The following NPRL3 variants were observed in gnomAD, a reference collection of about 807,000 sequenced individuals.
The protein encoded by NPRL3 is NPR3 like, GATOR1 complex subunit.
In NPRL3, 23 loss-of-function variants were observed where a neutral mutation model predicts 57.2. The observed-to-expected ratio is 0.40, with a 90% CI of 0.29 to 0.57. The LOEUF (loss-of-function observed/expected upper bound fraction) is 0.57. Among genes scored for constraint, NPRL3 ranks in the 20% least tolerant of loss-of-function variants. The pLI, the probability that NPRL3 is intolerant of heterozygous loss-of-function variation, is 0.42. For synonymous variants in NPRL3, 333 were observed against 321.1 expected (o/e 1.04, Z -0.39); for missense variants, 691 against 767.1 (o/e 0.90, Z 1.17).
intron 7 of NPRL3, among the ~76,000 whole-genome samples, chr16:107,194 C>T (rs1242259711): frequency 1.3e-5 from 2 of 152,194 alleles, no homozygotes; most frequent in African/African-American, 2.4e-5. Flanking sequence ...GATTCCTGTC[C>T]TCCTTTAATA....
intron 3 of NPRL3, 51 bp downstream of exon 3, chr16:130,471 A>C: frequency 6.6e-7 from 1 of 1,514,278 alleles, no homozygotes; most frequent in Non-Finnish European, 8.9e-7. Context: ...GGCTTTGCCC[A>C]GGCCTGGGAC....
At chr16:104,058 G>A (rs547423542) in intron 7 of NPRL3, among the ~76,000 whole-genome samples, 14 of 152,012 alleles carry the variant, frequency 9.2e-5, no homozygotes, top group African/African-American at 3.1e-4. Flanking sequence ...AGGCGGAGGC[G>A]GAGGTTGCAC....
At chr16:119,584 T>C (rs370571687) in intron 3 of NPRL3, among the ~76,000 whole-genome samples, 24 of 152,348 alleles carry the variant, frequency 1.6e-4, no homozygotes, top group African/African-American at 5.8e-4. Context: ...GGCACTGCCC[T>C]GCGGAGCTGC....
At chr16:107,854 C>G (rs919758582) in intron 7 of NPRL3, among the ~76,000 whole-genome samples, 3 of 152,196 alleles carry the variant, frequency 2.0e-5, no homozygotes, top group Non-Finnish European at 4.4e-5. Flanking sequence ...CCAAGTTAGC[C>G]TGATTTTTGT....
intron 13 of NPRL3, among the ~76,000 whole-genome samples, chr16:87,286 C>T (rs1898520725): frequency 6.6e-6 from 1 of 151,982 alleles, no homozygotes; most frequent in South Asian, 2.1e-4. Context: ...GGCTAGATTG[C>T]AGTGGCTCGA....
At chr16:98,073 T>TCA in intron 9 of NPRL3, 72 bp downstream of exon 9, 1 of 1,548,268 alleles carries the variant, frequency 6.5e-7, no homozygotes, top group Non-Finnish European at 8.8e-7. Flanking sequence ...GGATGTACTG[T>TCA]GGCAGGCGGC....
chr16:131,151 A>G (rs780827148), intron 2 of NPRL3, among the ~76,000 whole-genome samples: 4 of 152,208 alleles, frequency 2.6e-5, no homozygotes, highest in Non-Finnish European at 5.9e-5. Context: ...CCTGGCCAAC[A>G]TGGCGAAACC....
chr16:99,973 AAAAAGAAAAAGAAAAAAAAAAG>A (rs1899203832), intron 8 of NPRL3, among the ~76,000 whole-genome samples: 1 of 130,308 alleles, frequency 7.7e-6, no homozygotes, highest in Non-Finnish European at 1.5e-5. Context: ...AAAAAAAAAA[AAAAAGAAAAAGAAAAAAAAAAG>A]AAAAAGAAAA....
chr16:114,651 G>C (rs1240811757), intron 5 of NPRL3, among the ~76,000 whole-genome samples: 2 of 152,202 alleles, frequency 1.3e-5, no homozygotes, highest in Non-Finnish European at 2.9e-5. Flanking sequence ...TCCTGGTTCA[G>C]ACAGTCCAGC....
In NPRL3 at chr16:100,275, AAG is replaced by A. The variant is rs1410591738; in HGVS notation, c.767+95_767+96del. 1.8e-5 allele frequency: 23 copies of A among 1,311,350 alleles called. No homozygotes were observed. The Admixed American group carries it at 2.5e-4, about 14-fold the overall frequency. The allele number at this position is 1,311,350 out of a possible 1,614,324, so 81.2% of individuals were successfully genotyped here. On this transcript the variant is annotated intron_variant, in intron 8 of 13. Transcript: ENST00000611875. Reference sequence around the variant, plus strand: ...AAGCTTCCGCAGTGGGAAGAAGAAAAAGAGAAATTTTGGAACAAAGTAAGTGG... The same window carrying A: ...AAGCTTCCGCAGTGGGAAGAAGAAAAAGAAATTTTGGAACAAAGTAAGTGG...
chr16:87,831 A>C (rs1898564427), intron 13 of NPRL3, among the ~76,000 whole-genome samples: 2 of 148,950 alleles, frequency 1.3e-5, no homozygotes, highest in Non-Finnish European at 3.0e-5. Flanking sequence ...CAGCCTCCCA[A>C]AGTGCTGGGA....
chr16:86,841 T>A lies in NPRL3; in HGVS notation c.1574A>T (p.His525Leu), dbSNP rs1898496064. Reference sequence around the variant, plus strand: ...CTCGTTGTACATAATCTCCTCCAGGTGGTGGCGGCCGCGGAAGTAGTGAAG... The same window carrying A: ...CTCGTTGTACATAATCTCCTCCAGGAGGTGGCGGCCGCGGAAGTAGTGAAG... ...RLLHYFRGRH[H>L]LEEIMYNENT... Residue 525 changes from histidine (H) to leucine (L), a missense_variant, in exon 14 of 14, where the codon CAC becomes CTC. Physicochemically the swap from His to Leu is moderately conservative, Grantham distance 99. Coordinates refer to ENST00000611875, the MANE Select transcript of NPRL3 (RefSeq NM_001077350.3). 6.2e-7 allele frequency: 1 copy of A among 1,613,382 alleles called. No individual in the cohort carries two copies. The highest frequency in any genetic ancestry group is 8.5e-7 in the Non-Finnish European group (1 of 1,179,746).
intron 9 of NPRL3, among the ~76,000 whole-genome samples, chr16:93,749 A>G (rs1026028993): frequency 1.3e-5 from 2 of 152,086 alleles, no homozygotes; most frequent in African/African-American, 4.8e-5. Context: ...TATTTTTAGT[A>G]GAGACAGGGT....
intron 11 of NPRL3, among the ~76,000 whole-genome samples, chr16:92,208 G>A (rs1355699693): frequency 1.8e-4 from 28 of 152,226 alleles, no homozygotes; most frequent in Admixed American, 1.8e-3. Flanking sequence ...GCCTGGCCCA[G>A]TGAGAACAAA....
At chr16:136,736 G>A (rs1402321477) in intron 2 of NPRL3, among the ~76,000 whole-genome samples, 1 of 149,852 alleles carries the variant, frequency 6.7e-6, no homozygotes, top group South Asian at 2.1e-4. Flanking sequence ...TATTGACACA[G>A]AAGGTCCTGG....
chr16:87,629 G>A (rs571298182), intron 13 of NPRL3, among the ~76,000 whole-genome samples: 10 of 148,136 alleles, frequency 6.8e-5, no homozygotes, highest in South Asian at 4.2e-4. Context: ...CCGCCTTCCC[G>A]CCATTCTCCT....
At chr16:90,075 C>G in intron 11 of NPRL3, 173 bp from the exon 12 acceptor site, 1 of 598,684 alleles carries the variant, frequency 1.7e-6, no homozygotes, top group Non-Finnish European at 2.8e-6. Flanking sequence ...CTCTGCAAGG[C>G]CCGCTCACCC....
At chr16:103,892 A>G (rs1464831407) in intron 7 of NPRL3, among the ~76,000 whole-genome samples, 2 of 152,218 alleles carry the variant, frequency 1.3e-5, no homozygotes, top group Non-Finnish European at 2.9e-5. Context: ...AGATGGGCAG[A>G]TCACCTGAGG....
chr16:107,220 T>C (rs191587117), intron 7 of NPRL3, among the ~76,000 whole-genome samples: 57 of 152,328 alleles, frequency 3.7e-4, no homozygotes, highest in African/African-American at 1.2e-3. Context: ...TAGGTGGCGC[T>C]GGGTTGCCTC....
Sources: allele counts gnomAD v4.1 joint callset (sites outside exome capture counted in the v4.1 genomes callset), GRCh38; gene constraint gnomAD v4.1.1; transcripts MANE v1.5; gene names NCBI Gene and HGNC (gene_info 2026-07-23, HGNC 2026-07-21).